KCNH8: variants seen among roughly 807,000 people sequenced by gnomAD.
The protein encoded by KCNH8 is voltage-gated delayed rectifier potassium channel KCNH8.
In KCNH8, 70 loss-of-function variants were observed where a neutral mutation model predicts 103.6. That is an observed-to-expected ratio of 0.68 (90% CI 0.56 to 0.82). KCNH8 has a LOEUF of 0.82. Among genes scored for constraint, KCNH8 ranks in the 40% least tolerant of loss-of-function variants. The pLI is 0.00. For missense variants in KCNH8, 1,217 were observed against 1,329.9 expected (o/e 0.92, Z 1.32); for synonymous variants, 498 against 489.4 (o/e 1.02, Z -0.23).
intron 5 of KCNH8, among the ~76,000 whole-genome samples, chr3:19,370,733 A>G (rs1156381860): frequency 2.6e-5 from 4 of 151,916 alleles, no homozygotes; most frequent in African/African-American, 7.3e-5. Context: ...AGCATTAGGT[A>G]TATCTCCCAA....
chr3:19,405,155 C>T (rs2066672858), intron 7 of KCNH8, among the ~76,000 whole-genome samples: 1 of 151,788 alleles, frequency 6.6e-6, no homozygotes, highest in Admixed American at 6.6e-5. Flanking sequence ...ATTTAATCTC[C>T]ATTTATTTAA....
chr3:19,461,456 CTGT>C (rs2067626458), intron 11 of KCNH8, among the ~76,000 whole-genome samples: 9 of 152,142 alleles, frequency 5.9e-5, no homozygotes, highest in Admixed American at 2.6e-4. Flanking sequence ...GTCAGACTAA[CTGT>C]AGAAGCAAGC....
At chr3:19,266,275 A>G (rs950681668) in intron 2 of KCNH8, among the ~76,000 whole-genome samples, 2 of 151,926 alleles carry the variant, frequency 1.3e-5, no homozygotes, top group Non-Finnish European at 2.9e-5. Context: ...CATCATTCCC[A>G]TGTCAGCACA....
intron 1 of KCNH8, among the ~76,000 whole-genome samples, chr3:19,203,317 T>C (rs1279800490): frequency 6.6e-6 from 1 of 151,998 alleles, no homozygotes; most frequent in Non-Finnish European, 1.5e-5. Flanking sequence ...ATAATCAGAA[T>C]AGAGACAAAT....
intron 1 of KCNH8, among the ~76,000 whole-genome samples, chr3:19,153,232 T>G (rs1053423501): frequency 2.0e-5 from 3 of 152,214 alleles, no homozygotes; most frequent in African/African-American, 7.2e-5. Flanking sequence ...AGAAATGATT[T>G]TCTTTTGATT....
chr3:19,445,196 T>G (rs2067345562), intron 8 of KCNH8, among the ~76,000 whole-genome samples: 1 of 151,992 alleles, frequency 6.6e-6, no homozygotes, highest in Non-Finnish European at 1.5e-5. Flanking sequence ...ACAAACTCAA[T>G]GCTCAACAGA....
chr3:19,475,542 CTGTT>C (rs1245217401), intron 11 of KCNH8, among the ~76,000 whole-genome samples: 2 of 152,132 alleles, frequency 1.3e-5, no homozygotes, highest in African/African-American at 4.8e-5. Flanking sequence ...AATTTCCTCA[CTGTT>C]TATTTCAAAA....
chr3:19,502,678 A>G (rs1161411413), intron 11 of KCNH8, among the ~76,000 whole-genome samples: 4 of 151,960 alleles, frequency 2.6e-5, no homozygotes, highest in Non-Finnish European at 5.9e-5. Flanking sequence ...CAATGGGGAA[A>G]GGATTCCCTA....
chr3:19,288,266 A>C (rs954169097), intron 3 of KCNH8, among the ~76,000 whole-genome samples: 1 of 136,142 alleles, frequency 7.3e-6, no homozygotes, highest in African/African-American at 2.9e-5. Flanking sequence ...TTTGGGGTAC[A>C]TGTGCACAAC....
rs145359129 is a variant in KCNH8, at chr3:19,268,047, C to T, written c.311-13151C>T. 2.6e-5 allele frequency among the ~76,000 whole-genome samples: 4 copies of T among 152,214 alleles called. No individual in the cohort carries two copies. The East Asian group carries it at 7.8e-4, about 30-fold the overall frequency. On this transcript the variant is annotated intron_variant, in intron 2 of 15. Coordinates refer to ENST00000328405, the MANE Select transcript of KCNH8 (RefSeq NM_144633.3). ...GAATTCATCTTACAATAATTTAGTT[C>T]ATTATCTGAGCACAGAGTTTAGAAT... is the stretch of plus-strand genomic sequence containing the variant.
At chr3:19,451,755 C>T (rs530005280) in intron 10 of KCNH8, among the ~76,000 whole-genome samples, 1 of 152,212 alleles carries the variant, frequency 6.6e-6, no homozygotes, top group South Asian at 2.1e-4. Context: ...AATAGCTGCT[C>T]AGTTTTAAGA....
intron 3 of KCNH8, among the ~76,000 whole-genome samples, chr3:19,316,960 G>C (rs1179177709): frequency 1.3e-5 from 2 of 151,850 alleles, no homozygotes; most frequent in Non-Finnish European, 2.9e-5. Context: ...CTTACAGACA[G>C]AGTCAGCATG....
chr3:19,245,223 C>T (rs1038288836), intron 1 of KCNH8, among the ~76,000 whole-genome samples: 71 of 152,220 alleles, frequency 4.7e-4, no homozygotes, highest in African/African-American at 1.7e-3. Flanking sequence ...GAGTCCCTTC[C>T]CCATTGCTTG....
intron 1 of KCNH8, among the ~76,000 whole-genome samples, chr3:19,227,007 C>A (rs1439185764): frequency 1.3e-5 from 2 of 152,190 alleles, no homozygotes; most frequent in Non-Finnish European, 1.5e-5. Flanking sequence ...GGATTCTTCA[C>A]TGGACTCCTT....
intron 1 of KCNH8, among the ~76,000 whole-genome samples, chr3:19,170,519 G>A (rs1216283678): frequency 2.7e-5 from 4 of 149,350 alleles, no homozygotes; most frequent in African/African-American, 9.9e-5. Context: ...CCTTACACAG[G>A]CTTAAGGATG....
At position 19,363,115 on chromosome 3, in the gene KCNH8, G is replaced by A. The variant is rs1033457262; in HGVS notation, c.811+15150G>A. On this transcript the variant is annotated intron_variant, in intron 5 of 15. Coordinates refer to ENST00000328405, the MANE Select transcript of KCNH8 (RefSeq NM_144633.3). ...GGATTCATTTACTACTTAAAGGAGC[G>A]GAGGCTTTTTCAGGTACTTATGCAG... 1.2e-4 allele frequency among the ~76,000 whole-genome samples: 18 copies of A among 152,196 alleles called. No individual in the cohort carries two copies. The Middle Eastern group carries it at 0.01, about 86-fold the overall frequency.
chr3:19,149,751 T>A (rs1364504408), intron 1 of KCNH8, among the ~76,000 whole-genome samples: 1 of 152,222 alleles, frequency 6.6e-6, no homozygotes, highest in African/African-American at 2.4e-5. Context: ...CTAGCTTATC[T>A]TGCTTCTGTG....
chr3:19,322,176 C>T (rs915302641), intron 3 of KCNH8, among the ~76,000 whole-genome samples: 2 of 152,010 alleles, frequency 1.3e-5, no homozygotes, highest in African/African-American at 4.8e-5. Context: ...AGCATTTAGG[C>T]CATTTTCTTT....
chr3:19,150,222 G>A (rs987024440), intron 1 of KCNH8, among the ~76,000 whole-genome samples: 1 of 152,122 alleles, frequency 6.6e-6, no homozygotes, highest in East Asian at 1.9e-4. Flanking sequence ...TCAAGTCCCT[G>A]CCATTGCCAC....
Sources: gnomAD v4.1 joint callset for allele counts (sites outside exome capture counted in the v4.1 genomes callset) on GRCh38, gnomAD v4.1.1 for gene constraint, MANE v1.5 for transcripts, NCBI Gene and HGNC (gene_info 2026-07-23, HGNC 2026-07-21) for gene names.